Variants in C2orf66 observed in about 807,000 individuals in gnomAD.
The protein encoded by C2orf66 is uncharacterized protein C2orf66.
C2orf66 carries 6 observed loss-of-function variants against 7.0 expected under a neutral mutation model. The observed-to-expected ratio is 0.86, with a 90% confidence interval of 0.47 to 1.69. C2orf66 has a LOEUF of 1.69. Ranked by LOEUF, C2orf66 falls within the 40% of genes most tolerant of loss-of-function variation. The probability of loss-of-function intolerance (pLI) is 0.01; values close to 1 mark genes in which losing one functional copy is unlikely to be tolerated. For missense variants in C2orf66, 107 were observed against 112.0 expected (o/e 0.96, Z 0.20); for synonymous variants, 38 against 43.8 (o/e 0.87, Z 0.52).
At chr2:196,813,530 G>A (rs1375096286), upstream of C2orf66, among the ~76,000 whole-genome samples, 2 of 152,008 alleles carry the variant, frequency 1.3e-5, no homozygotes, top group African/African-American at 4.8e-5. Context: ...AAAGACTTCA[G>A]GACTAAAACA....
At chr2:196,824,697 C>G in the C2orf66 span, among the ~76,000 whole-genome samples, 1 of 152,152 alleles carries the variant, frequency 6.6e-6, no homozygotes, top group Admixed American at 6.5e-5. Context: ...GATCTGGAAA[C>G]TTCATTTTTG....
At chr2:196,816,824 T>C in the C2orf66 span, among the ~76,000 whole-genome samples, 2 of 152,218 alleles carry the variant, frequency 1.3e-5, no homozygotes, top group East Asian at 1.9e-4. Flanking sequence ...AGCCTGAGTA[T>C]TGGGGGAACC....
At chr2:196,818,366 T>G in the C2orf66 span, among the ~76,000 whole-genome samples, 1 of 152,232 alleles carries the variant, frequency 6.6e-6, no homozygotes, top group Non-Finnish European at 1.5e-5. Context: ...CAGGCTGACC[T>G]CACAGCTGCT....
At position 196,809,243 on chromosome 2, in the gene C2orf66, G is replaced by T; in HGVS notation, c.94C>A (p.Pro32Thr). The T allele has an allele frequency of 6.2e-7, 1 of 1,614,068 alleles. No homozygotes were observed. Among genetic ancestry groups the T allele is most frequent in the Non-Finnish European group, 8.5e-7 (1 of 1,179,966 alleles). ...ATVRNEDKWKPLNNPRNRDLF... is the reference protein window; with the variant it reads ...ATVRNEDKWKTLNNPRNRDLF... ...TCTCTGTTTCTGGGGTTGTTGAGTG[G>T]CTTCCATTTGTCCTCATTTCTTACT... is the stretch of plus-strand genomic sequence containing the variant. The change falls in exon 1 of 3, where the codon CCA (proline) becomes ACA (threonine). Residue 32 changes from proline (P) to threonine (T), a missense_variant. Coordinates refer to ENST00000342506, the MANE Select transcript of C2orf66 (RefSeq NM_213608.3).
the C2orf66 span, among the ~76,000 whole-genome samples, chr2:196,822,862 G>T: frequency 6.6e-6 from 1 of 152,012 alleles, no homozygotes; most frequent in Non-Finnish European, 1.5e-5. Context: ...ATTTATCATT[G>T]TAAAACCAAG....
the C2orf66 span, among the ~76,000 whole-genome samples, chr2:196,831,103 G>A: frequency 6.6e-6 from 1 of 152,084 alleles, no homozygotes; most frequent in Admixed American, 6.5e-5. Flanking sequence ...CTGGTTCAAG[G>A]GTTGTTCCTC....
the C2orf66 span, among the ~76,000 whole-genome samples, chr2:196,822,202 T>G: frequency 2.0e-5 from 3 of 151,672 alleles, no homozygotes; most frequent in South Asian, 4.2e-4. Context: ...CATGAGCCAC[T>G]GCGCCCGGCC....
intron 1 of C2orf66, among the ~76,000 whole-genome samples, chr2:196,808,273 T>G (rs1699838052): frequency 6.6e-6 from 1 of 152,216 alleles, no homozygotes; most frequent in African/African-American, 2.4e-5. Context: ...TTTATCCACT[T>G]TTGAATATAT....
intron 1 of C2orf66, 123 bp from the exon 2 acceptor site, chr2:196,807,745 CA>C: frequency 2.6e-6 from 2 of 761,376 alleles, no homozygotes; most frequent in South Asian, 3.3e-5. Context: ...GCAGGAAATA[CA>C]AAATCTAGAA....
the C2orf66 span, among the ~76,000 whole-genome samples, chr2:196,821,675 A>T: frequency 1.3e-5 from 2 of 152,190 alleles, no homozygotes; most frequent in African/African-American, 2.4e-5. Context: ...CATGAGTCAC[A>T]TAATTTTGTA....
In C2orf66 at chr2:196,809,265, T is replaced by A. The variant is rs199693230; in HGVS notation, c.72A>T (p.Val24=). The A allele has an allele frequency of 3.1e-6, 5 of 1,614,162 alleles. No homozygotes were observed. The highest frequency in any genetic ancestry group is 4.2e-6 in the Non-Finnish European group (5 of 1,180,010). Residue 24 remains valine, a synonymous_variant, in exon 1 of 3, where the codon GTA becomes GTT. Transcript: ENST00000342506. ...VLLGHVNGAT[V]RNEDKWKPLN... is the part of the protein sequence containing the mutation. ...GTGGCTTCCATTTGTCCTCATTTCT[T>A]ACTGTGGCTCCATTCACATGCCCAA...
chr2:196,819,628 T>C, the C2orf66 span, among the ~76,000 whole-genome samples: 1 of 151,386 alleles, frequency 6.6e-6, no homozygotes, highest in African/African-American at 2.4e-5. Context: ...GTTCACAAGG[T>C]GCTCTCTTGA....
In C2orf66 at chr2:196,805,265, G is replaced by T. The variant is rs566512368; in HGVS notation, c.*163C>A. On this transcript the variant is annotated 3_prime_UTR_variant, in exon 3 of 3. Transcript: ENST00000342506. ...AAATCATAGTTCCAGCGATTTATAT[G>T]TAAATATGGAAATGTGGAATAAAAT... The T allele has an allele frequency of 2.6e-5, 4 of 152,188 alleles. No homozygotes were observed. In the South Asian group the frequency reaches 8.3e-4, roughly 32 times the overall value. 9.4% of individuals were successfully genotyped at this position (152,188 alleles called of 1,614,324 possible).
chr2:196,830,861 G>A, the C2orf66 span, among the ~76,000 whole-genome samples: 3 of 152,190 alleles, frequency 2.0e-5, no homozygotes, highest in East Asian at 5.8e-4. Context: ...GAGCATGATA[G>A]GGGGTCCCAG....
chr2:196,819,383 C>T, the C2orf66 span, among the ~76,000 whole-genome samples: 1 of 152,148 alleles, frequency 6.6e-6, no homozygotes, highest in Non-Finnish European at 1.5e-5. Flanking sequence ...TCAAAGAACT[C>T]TCCTGCCCTT....
At chr2:196,831,243 A>C in the C2orf66 span, among the ~76,000 whole-genome samples, 1 of 151,962 alleles carries the variant, frequency 6.6e-6, no homozygotes, top group Non-Finnish European at 1.5e-5. Flanking sequence ...TCTGTGTCTG[A>C]GTTTTTCCCT....
At chr2:196,825,281 A>T in the C2orf66 span, among the ~76,000 whole-genome samples, 1 of 152,082 alleles carries the variant, frequency 6.6e-6, no homozygotes, top group African/African-American at 2.4e-5. Flanking sequence ...AAAAAAAGAC[A>T]TACACATGGC....
intron 2 of C2orf66, 99 bp downstream of exon 2, chr2:196,807,325 G>T: frequency 1.4e-6 from 1 of 703,004 alleles, no homozygotes. Context: ...ATTTCTATGA[G>T]GAAATAAAAT....
At chr2:196,808,916 A>ATTTTTATATGTATT (rs1364947695) in intron 1 of C2orf66, among the ~76,000 whole-genome samples, 2 of 152,234 alleles carry the variant, frequency 1.3e-5, no homozygotes, top group Admixed American at 1.3e-4. Flanking sequence ...ATTAGAAATC[A>ATTTTTATATGTATT]AGGCTACAAA....
Sources: allele counts gnomAD v4.1 joint callset (sites outside exome capture counted in the v4.1 genomes callset), GRCh38; gene constraint gnomAD v4.1.1; transcripts MANE v1.5; gene names NCBI Gene and HGNC (gene_info 2026-07-23, HGNC 2026-07-21).